Variants in ADGRG7 observed in about 807,000 individuals in gnomAD.
ADGRG7 encodes adhesion G protein-coupled receptor G7.
ADGRG7 carries 82 observed loss-of-function variants against 88.6 expected under a neutral mutation model. The observed-to-expected ratio is 0.93, with a 90% CI of 0.77 to 1.11. The LOEUF (loss-of-function observed/expected upper bound fraction) is 1.11, where lower values mean the gene tolerates loss of function less well. Among genes scored for constraint, ADGRG7 ranks in the 50% most tolerant of loss-of-function variants. The pLI is 0.00. For synonymous variants in ADGRG7, 381 were observed against 345.2 expected (o/e 1.10, Z -1.15); for missense variants, 945 against 953.4 (o/e 0.99, Z 0.12).
rs752779787 is a variant in ADGRG7 at position 100,646,581 on chromosome 3, G to A, written c.1123G>A (p.Glu375Lys). Residue 375 changes from glutamate (E) to lysine (K), a missense_variant, in exon 10 of 16, where the codon GAA becomes AAA. Coordinates refer to ENST00000273352, the MANE Select transcript of ADGRG7 (RefSeq NM_032787.3). ...TATCAATTCATAGTACAACCAAAAAGAATTTCAACTCTATTCCTATGCCTG... is the reference window on the plus strand; with the variant it reads ...TATCAATTCATAGTACAACCAAAAAAAATTTCAACTCTATTCCTATGCCTG... ...MVFSPKYNQK[E>K]FQLYSYACVY... The A allele has an allele frequency of 1.9e-6, 3 of 1,612,880 alleles. No homozygotes were observed. Among genetic ancestry groups the A allele is most frequent in the Non-Finnish European group, 2.5e-6 (3 of 1,179,412 alleles).
At chr3:100,670,829 G>A (rs1280301994) in intron 15 of ADGRG7, among the ~76,000 whole-genome samples, 1 of 152,092 alleles carries the variant, frequency 6.6e-6, no homozygotes, top group African/African-American at 2.4e-5. Flanking sequence ...TTCTGTCCTT[G>A]TGTTAGTTTG....
chr3:100,675,715 C>A (rs2094964485), intron 15 of ADGRG7, among the ~76,000 whole-genome samples: 1 of 152,034 alleles, frequency 6.6e-6, no homozygotes, highest in South Asian at 2.1e-4. Flanking sequence ...TGGTAAAATT[C>A]AGCAGTGAAA....
chr3:100,630,070 T>C (rs1707439105), intron 2 of ADGRG7, among the ~76,000 whole-genome samples: 1 of 152,182 alleles, frequency 6.6e-6, no homozygotes, highest in African/African-American at 2.4e-5. Context: ...TACTCTAATA[T>C]ATTTAACTTT....
chr3:100,637,488 TTC>T, intron 6 of ADGRG7, 86 bp downstream of exon 6: 1 of 884,182 alleles, frequency 1.1e-6, no homozygotes, highest in Non-Finnish European at 1.8e-6. Context: ...ATATCTTTAT[TTC>T]TCTCATGGAT....
chr3:100,655,237 T>C, intron 12 of ADGRG7, 56 bp downstream of exon 12: 1 of 1,293,852 alleles, frequency 7.7e-7, no homozygotes, highest in South Asian at 1.4e-5. Context: ...AATCATTTAA[T>C]TTAAACACTT....
Position 100,633,295 on chromosome 3 carries a change from G to A in ADGRG7, c.365G>A (p.Ser122Asn). The A allele has an allele frequency of 6.5e-7, 1 of 1,536,568 alleles. No individual in the cohort carries two copies. The highest frequency in any genetic ancestry group is 8.8e-7 in the Non-Finnish European group (1 of 1,140,086). ...AATCCAATGGCAGTCCGGTTGTGCA[G>A]TCTCTCTCTATATGGAGAGATAGAA... is the stretch of plus-strand genomic sequence containing the variant. The part of the protein sequence containing the change: ...AGNPMAVRLC[S>N]LSLYGEIELQ... Residue 122 changes from serine to asparagine, a missense_variant, in exon 4 of 16, where the codon AGT becomes AAT. Ser to Asn is a conservative substitution (Grantham distance 46). Transcript: ENST00000273352.
rs573717084 is a variant in ADGRG7, at chr3:100,692,449, C to T, written c.2137-2295C>T. Reference sequence around the variant, plus strand: ...ATTTAGGGAGGAATCTGAATGAAGGCACAGTCAAGGATTTTCTCTTCTCCA... The same window carrying T: ...ATTTAGGGAGGAATCTGAATGAAGGTACAGTCAAGGATTTTCTCTTCTCCA... On this transcript the variant is annotated intron_variant, in intron 15 of 15. Coordinates refer to ENST00000273352, the MANE Select transcript of ADGRG7 (RefSeq NM_032787.3). Among the ~76,000 whole-genome samples the T allele has an allele frequency of 1.1e-3, 163 of 152,268 alleles. 1 individual carries two copies. Among genetic ancestry groups the T allele is most frequent in the African/African-American group, 3.8e-3 (158 of 41,550 alleles).
intron 3 of ADGRG7, among the ~76,000 whole-genome samples, chr3:100,631,810 G>C (rs771084929): frequency 1.3e-5 from 2 of 151,968 alleles, no homozygotes; most frequent in Non-Finnish European, 2.9e-5. Flanking sequence ...ATGCATATCC[G>C]TATTTGATTT....
At chr3:100,663,793 T>A (rs561689056) in intron 14 of ADGRG7, among the ~76,000 whole-genome samples, 42 of 152,194 alleles carry the variant, frequency 2.8e-4, no homozygotes, top group African/African-American at 1.0e-3. Flanking sequence ...ATCAAATTAA[T>A]GTTCAATGGT....
At position 100,635,661 on chromosome 3, in the gene ADGRG7, CT is replaced by C; in HGVS notation, c.448-15del. 6.3e-7 allele frequency: 1 copy of C among 1,599,352 alleles called. No individual in the cohort carries two copies. The highest frequency in any genetic ancestry group is 8.5e-7 in the Non-Finnish European group (1 of 1,175,106). On this transcript the variant is annotated splice_polypyrimidine_tract_variant and intron_variant, in intron 4 of 15. Coordinates refer to ENST00000273352, the MANE Select transcript of ADGRG7 (RefSeq NM_032787.3). ...ATTGTGTAAAGCTAGGGTTTTTTTTCTGGTTTTTAAAACAGGTAAAGGATGT... is the reference window on the plus strand; with the variant it reads ...ATTGTGTAAAGCTAGGGTTTTTTTTCGGTTTTTAAAACAGGTAAAGGATGT...
intron 14 of ADGRG7, 133 bp downstream of exon 14, chr3:100,659,976 T>G (rs966213207): frequency 1.3e-6 from 1 of 771,146 alleles, no homozygotes; most frequent in Non-Finnish European, 2.0e-6. Flanking sequence ...ACAGGAGAGA[T>G]TTTTCTCTTA....
chr3:100,634,768 C>G (rs899880405), intron 4 of ADGRG7, among the ~76,000 whole-genome samples: 1 of 152,106 alleles, frequency 6.6e-6, no homozygotes, highest in Non-Finnish European at 1.5e-5. Flanking sequence ...GGTTGAGGTC[C>G]CTAACTTCTC....
rs966416255 is a variant in ADGRG7, at chr3:100,646,708, A to AT, written c.1254dup (p.Ala419CysfsTer17). On this transcript the variant is annotated frameshift_variant, in exon 10 of 16. Coordinates refer to ENST00000273352, the MANE Select transcript of ADGRG7 (RefSeq NM_032787.3). LOFTEE classifies it high-confidence loss of function. ...CGCTGCCGCTGCAACCATACTACTA[A>AT]TTTTGCTGTATTAATGGTAAGGATA... is the stretch of plus-strand genomic sequence containing the variant. The AT allele has an allele frequency of 2.3e-5, 37 of 1,613,882 alleles. No individual in the cohort carries two copies. Among genetic ancestry groups the AT allele is most frequent in the Non-Finnish European group, 3.0e-5 (35 of 1,179,950 alleles).
At chr3:100,679,761 C>A (rs1447654204) in intron 15 of ADGRG7, among the ~76,000 whole-genome samples, 1 of 152,098 alleles carries the variant, frequency 6.6e-6, no homozygotes, top group African/African-American at 2.4e-5. Flanking sequence ...ATCTTCTTTC[C>A]TTTTCTCCTA....
chr3:100,623,470 G>A (rs1707340676), intron 1 of ADGRG7, among the ~76,000 whole-genome samples: 1 of 151,868 alleles, frequency 6.6e-6, no homozygotes, highest in African/African-American at 2.4e-5. Context: ...GATTGCTATG[G>A]CTTTATTGTA....
At chr3:100,683,550 G>C (rs2094976957) in intron 15 of ADGRG7, among the ~76,000 whole-genome samples, 1 of 152,236 alleles carries the variant, frequency 6.6e-6, no homozygotes. Flanking sequence ...CAGCTGGCAT[G>C]CCTGGCTGTG....
intron 1 of ADGRG7, among the ~76,000 whole-genome samples, chr3:100,614,182 C>T (rs538200343): frequency 6.6e-6 from 1 of 152,190 alleles, no homozygotes; most frequent in East Asian, 1.9e-4. Context: ...TACCATTGAC[C>T]TAGATTGGAC....
In ADGRG7 at chr3:100,609,779, C is replaced by T. The variant is rs56212081; in HGVS notation, c.-78C>T. The T allele has an allele frequency of 8.5e-3, 9,002 of 1,055,032 alleles. 69 individuals are homozygous for T. Among genetic ancestry groups the T allele is most frequent in the African/African-American group, 0.025 (1,594 of 63,674 alleles). 65.4% of individuals were successfully genotyped at this position (1,055,032 alleles called of 1,614,324 possible). A position where few individuals can be genotyped will look rare whatever the true frequency, so the allele number is the denominator to read the frequency against. On this transcript the variant is annotated 5_prime_UTR_variant, in exon 1 of 16. Transcript: ENST00000273352. Reference sequence around the variant, plus strand: ...TGTTTTTCTGTTTTAGAATAGTTTCCGATTAAACTTTTTAGCTCAAGAAGA... The same window carrying T: ...TGTTTTTCTGTTTTAGAATAGTTTCTGATTAAACTTTTTAGCTCAAGAAGA...
intron 15 of ADGRG7, among the ~76,000 whole-genome samples, chr3:100,681,854 C>T (rs1413686111): frequency 1.3e-5 from 2 of 152,194 alleles, no homozygotes; most frequent in South Asian, 2.1e-4. Flanking sequence ...ACAAACATCA[C>T]CACTGAACTA....
Sources: allele counts gnomAD v4.1 joint callset (sites outside exome capture counted in the v4.1 genomes callset), GRCh38; gene constraint gnomAD v4.1.1; transcripts MANE v1.5; gene names NCBI Gene and HGNC (gene_info 2026-07-23, HGNC 2026-07-21).